RORA: variants seen among roughly 807,000 people sequenced by gnomAD.
RORA encodes the protein nuclear receptor ROR-alpha.
RORA carries 7 observed loss-of-function variants against 69.5 expected under a neutral mutation model. The ratio of observed to expected loss-of-function variants is 0.10; its 90% CI spans 0.06 to 0.19. The LOEUF (loss-of-function observed/expected upper bound fraction) is 0.19, where lower values mean the gene tolerates loss of function less well. Among genes scored for constraint, RORA ranks in the 10% least tolerant of loss-of-function variants. The pLI is 1.00. For synonymous variants in RORA, 261 were observed against 240.8 expected (o/e 1.08, Z -0.78); for missense variants, 457 against 663.0 (o/e 0.69, Z 3.41).
At chr15:61,224,897 T>C (rs111242941) in intron 1 of RORA, among the ~76,000 whole-genome samples, 2 of 152,284 alleles carry the variant, frequency 1.3e-5, no homozygotes, top group African/African-American at 4.8e-5. Flanking sequence ...GTTAGGGGCT[T>C]CAATGCAGGC....
chr15:60,624,533 T>C (rs1188668050), intron 2 of RORA, among the ~76,000 whole-genome samples: 1 of 134,434 alleles, frequency 7.4e-6, no homozygotes, highest in South Asian at 2.3e-4. Context: ...ATATAGTATA[T>C]ATATATTTGC....
chr15:60,977,594 T>C (rs756197246), intron 1 of RORA, among the ~76,000 whole-genome samples: 15 of 152,150 alleles, frequency 9.9e-5, no homozygotes, highest in Non-Finnish European at 1.6e-4. Flanking sequence ...AGAAACCCCA[T>C]AGCTGTTAGC....
intron 1 of RORA, among the ~76,000 whole-genome samples, chr15:60,804,287 CAAAAAAAAAAAA>C (rs5813037): frequency 1.0e-4 from 6 of 58,168 alleles, no homozygotes. Flanking sequence ...AACTCCATCT[CAAAAAAAAAAAA>C]AAAAAAAAAA....
chr15:60,625,211 A>AAACAACAAC (rs533003655), intron 2 of RORA, among the ~76,000 whole-genome samples: 5 of 152,318 alleles, frequency 3.3e-5, no homozygotes, highest in African/African-American at 9.6e-5. Context: ...GGCTTCAGAA[A>AAACAACAAC]AACAACAACA....
chr15:60,709,406 A>C (rs2071112324), intron 1 of RORA, among the ~76,000 whole-genome samples: 1 of 152,184 alleles, frequency 6.6e-6, no homozygotes, highest in African/African-American at 2.4e-5. Context: ...TTAACACTCG[A>C]GCTCCTTTGA....
At chr15:60,543,802 G>A (rs189115525) in intron 2 of RORA, among the ~76,000 whole-genome samples, 1 of 152,160 alleles carries the variant, frequency 6.6e-6, no homozygotes, top group African/African-American at 2.4e-5. Flanking sequence ...GGCTGCAGCT[G>A]GAGTTGAGGG....
intron 1 of RORA, among the ~76,000 whole-genome samples, chr15:60,865,289 A>T (rs1482353056): frequency 1.3e-5 from 2 of 152,212 alleles, no homozygotes; most frequent in Non-Finnish European, 2.9e-5. Context: ...CAAATGGAGA[A>T]GTTGGTCTAG....
Position 60,893,555 on chromosome 15 carries a change from T to C in RORA, c.167-214869A>G, listed in dbSNP as rs546211781. On this transcript the variant is annotated intron_variant, in intron 1 of 10. Coordinates refer to ENST00000335670, the MANE Select transcript of RORA (RefSeq NM_134261.3). ...CAAAGCAGCCGATATGCAGTTGAAT[T>C]TCCAAGTGGATTCCCTTGTATCCGT... 4.6e-5 allele frequency among the ~76,000 whole-genome samples: 7 copies of C among 152,326 alleles called. No individual in the cohort carries two copies. The South Asian group carries it at 1.5e-3, about 32-fold the overall frequency.
intron 1 of RORA, among the ~76,000 whole-genome samples, chr15:61,081,423 A>G (rs1302401434): frequency 3.3e-5 from 5 of 152,214 alleles, no homozygotes; most frequent in Admixed American, 2.6e-4. Context: ...GGACCAAAAA[A>G]TATACATATT....
chr15:60,853,138 C>T (rs904404951), intron 1 of RORA, among the ~76,000 whole-genome samples: 1 of 152,174 alleles, frequency 6.6e-6, no homozygotes, highest in Non-Finnish European at 1.5e-5. Flanking sequence ...CCACACGGTA[C>T]ACGCTTCCAA....
intron 1 of RORA, among the ~76,000 whole-genome samples, chr15:60,890,632 G>A (rs1379349201): frequency 1.3e-5 from 2 of 152,186 alleles, no homozygotes; most frequent in Non-Finnish European, 2.9e-5. Flanking sequence ...TGTTCTTTTT[G>A]AGCCATTTTA....
rs144563348 is a variant in RORA at position 61,111,544 on chromosome 15, G to A, written c.166+117509C>T. 2.9e-3 allele frequency among the ~76,000 whole-genome samples: 442 copies of A among 152,082 alleles called. 2 individuals carry two copies. The highest frequency in any genetic ancestry group is 9.9e-3 in the African/African-American group (412 of 41,462). On this transcript the variant is annotated intron_variant, in intron 1 of 10. Transcript: ENST00000335670. ...TATAAGTATATAATATCTTTCTTCT[G>A]CTCTCTAATTTGCAATTATTCAATT...
At chr15:60,991,657 G>A (rs1026265375) in intron 1 of RORA, among the ~76,000 whole-genome samples, 1 of 152,104 alleles carries the variant, frequency 6.6e-6, no homozygotes, top group African/African-American at 2.4e-5. Flanking sequence ...CAGCACTTTC[G>A]GAGGCTGAGG....
At chr15:61,185,497 C>T (rs191819694) in intron 1 of RORA, among the ~76,000 whole-genome samples, 26 of 152,268 alleles carry the variant, frequency 1.7e-4, no homozygotes, top group Admixed American at 1.4e-3. Flanking sequence ...TTGATTGCCC[C>T]GACATTGGCA....
chr15:61,128,509 G>A lies in RORA; in HGVS notation c.166+100544C>T, dbSNP rs1255393790. On this transcript the variant is annotated intron_variant, in intron 1 of 10. Transcript: ENST00000335670. The surrounding 1 kb of genome is among the most constrained non-coding windows in gnomAD (Gnocchi z 4.5). ...AAATGAATATAATTACAGATACCAT[G>A]AGCACAGACCTATGACGCTGTTGAT... Among the ~76,000 whole-genome samples, 13 of 152,168 alleles carry A rather than the reference G, an allele frequency of 8.5e-5. No homozygotes were observed. Among genetic ancestry groups the A allele is most frequent in the Non-Finnish European group, 1.5e-4 (10 of 68,026 alleles).
chr15:60,915,427 T>C (rs1484323078), intron 1 of RORA, among the ~76,000 whole-genome samples: 4 of 152,174 alleles, frequency 2.6e-5, no homozygotes, highest in Admixed American at 1.3e-4. Flanking sequence ...AGGGGCTCAT[T>C]CTTAGGCACA....
At chr15:60,582,381 A>C (rs1166399716) in intron 2 of RORA, among the ~76,000 whole-genome samples, 3 of 152,226 alleles carry the variant, frequency 2.0e-5, no homozygotes, top group Non-Finnish European at 4.4e-5. Context: ...GTTTTAATAG[A>C]AACACTTTCA....
chr15:61,009,642 C>T (rs1895028165), intron 1 of RORA, among the ~76,000 whole-genome samples: 1 of 152,032 alleles, frequency 6.6e-6, no homozygotes, highest in African/African-American at 2.4e-5. Context: ...ACGCTTAGAC[C>T]TCACAAATCT....
intron 1 of RORA, among the ~76,000 whole-genome samples, chr15:60,970,045 A>G (rs1893668992): frequency 6.6e-6 from 1 of 152,194 alleles, no homozygotes; most frequent in Non-Finnish European, 1.5e-5. Context: ...AAGCGGGGAA[A>G]GAAGAGGTCC....
Sources: gnomAD v4.1 joint callset for allele counts (sites outside exome capture counted in the v4.1 genomes callset) on GRCh38, gnomAD v4.1.1 for gene constraint, Gnocchi (gnomAD v3.1) non-coding constraint, MANE v1.5 for transcripts, NCBI Gene and HGNC (gene_info 2026-07-23, HGNC 2026-07-21) for gene names.